Variants in GLRA2 observed in about 807,000 individuals in gnomAD.
The protein encoded by GLRA2 is glycine receptor alpha 2, also known as glycine receptor subunit alpha-2.
A neutral mutation model predicts 31.6 loss-of-function variants in GLRA2; 11 were observed. That is an observed-to-expected ratio of 0.35 (90% CI 0.22 to 0.58). The LOEUF is 0.58. Among genes scored for constraint, GLRA2 ranks in the 20% least tolerant of loss-of-function variants. The pLI is 0.84. For missense variants in GLRA2, 212 were observed against 351.8 expected (o/e 0.60, Z 3.18); for synonymous variants, 132 against 134.0 (o/e 0.99, Z 0.10).
At chrX:14,540,497 C>T (rs2089386650) in intron 2 of GLRA2, among the ~76,000 whole-genome samples, 1 of 110,529 alleles carries the variant, frequency 9.0e-6, no homozygotes, top group Admixed American at 9.6e-5. Context: ...CAAGGGAGCC[C>T]ATTGATACAA....
At chrX:14,655,572 C>G (rs780401581) in intron 7 of GLRA2, among the ~76,000 whole-genome samples, 2 of 111,687 alleles carry the variant, frequency 1.8e-5, no homozygotes, top group Non-Finnish European at 3.8e-5. Context: ...GCACAAACTC[C>G]CCATCTGACT....
the GLRA2 span, among the ~76,000 whole-genome samples, chrX:14,484,591 G>T: frequency 8.9e-6 from 1 of 111,953 alleles, no homozygotes; most frequent in Non-Finnish European, 1.9e-5. Context: ...AAAGTCTTTC[G>T]GTTAGACATT....
intron 6 of GLRA2, 57 bp from the exon 7 acceptor site, chrX:14,608,934 A>G: frequency 1.7e-6 from 1 of 581,851 alleles, no homozygotes; most frequent in Non-Finnish European, 2.9e-6. Flanking sequence ...ACGTGGGATA[A>G]TGGAATTGGA....
chrX:14,580,811 T>C (rs1161891016), intron 3 of GLRA2, among the ~76,000 whole-genome samples: 1 of 111,883 alleles, frequency 8.9e-6, no homozygotes, highest in African/African-American at 3.2e-5. Context: ...GATTTCTGAT[T>C]TGGAAAATAA....
chrX:14,574,642 T>C, intron 3 of GLRA2: 1 of 718,933 alleles, frequency 1.4e-6, no homozygotes, highest in South Asian at 2.4e-5. Flanking sequence ...TTGTGAGACA[T>C]TTACTGAGTG....
chrX:14,709,698 T>A (rs188181881), intron 8 of GLRA2, among the ~76,000 whole-genome samples: 2 of 111,972 alleles, frequency 1.8e-5, no homozygotes, highest in Admixed American at 1.9e-4. Flanking sequence ...GCATAGACTG[T>A]GTTTCTGGTT....
At chrX:14,516,081 A>G in the GLRA2 span, among the ~76,000 whole-genome samples, 9 of 111,881 alleles carry the variant, frequency 8.0e-5, no homozygotes, top group Admixed American at 7.6e-4. Flanking sequence ...AGTTCCATTT[A>G]GAGTCAAGTT....
chrX:14,512,380 T>C, the GLRA2 span, among the ~76,000 whole-genome samples: 1 of 111,428 alleles, frequency 9.0e-6, no homozygotes, highest in Non-Finnish European at 1.9e-5. Context: ...ATGCCCACTT[T>C]CACCACTTCT....
the GLRA2 span, among the ~76,000 whole-genome samples, chrX:14,513,319 A>G: frequency 8.9e-6 from 1 of 111,766 alleles, no homozygotes; most frequent in African/African-American, 3.3e-5. Context: ...AAAACTCTAG[A>G]AGATAACATC....
At chrX:14,539,926 G>A (rs2089378733) in intron 2 of GLRA2, among the ~76,000 whole-genome samples, 2 of 111,570 alleles carry the variant, frequency 1.8e-5, no homozygotes, top group South Asian at 3.7e-4. Context: ...TGGCAAGGGA[G>A]CATAAATGTA....
chrX:14,719,709 A>G (rs189066447), intron 8 of GLRA2, among the ~76,000 whole-genome samples: 42 of 112,179 alleles, frequency 3.7e-4, no homozygotes, highest in African/African-American at 1.1e-3. Flanking sequence ...CTATATCCAA[A>G]GGAAAGGAAA....
chrX:14,568,245 A>G (rs1484079802), intron 2 of GLRA2, among the ~76,000 whole-genome samples: 2 of 112,458 alleles, frequency 1.8e-5, no homozygotes, highest in Admixed American at 1.9e-4. Flanking sequence ...AAACCACATT[A>G]TCAAAACAGT....
At chrX:14,589,388 G>A (rs755052316) in intron 4 of GLRA2, among the ~76,000 whole-genome samples, 5 of 108,142 alleles carry the variant, frequency 4.6e-5, no homozygotes, top group Admixed American at 1.0e-4. Flanking sequence ...GGCAGGGCGC[G>A]GTGGCTCATG....
chrX:14,507,220 C>T, the GLRA2 span, among the ~76,000 whole-genome samples: 2 of 111,803 alleles, frequency 1.8e-5, no homozygotes, highest in Non-Finnish European at 3.8e-5. Context: ...ACTATCCAAC[C>T]TTGCTGCTCC....
At position 14,624,995 on chromosome X, in the gene GLRA2, G is replaced by C. The variant is rs774050961; in HGVS notation, c.930+15790G>C. 3.6e-5 allele frequency among the ~76,000 whole-genome samples: 4 copies of C among 111,515 alleles called. No individual in the cohort carries two copies. In the East Asian group the frequency reaches 1.1e-3, roughly 32 times the overall value. ...GTTGTATGGGAGTCTAAGTCTCTTTGTAGGTCTCTAAAGACTTGCTTTATG... is the reference window on the plus strand; with the variant it reads ...GTTGTATGGGAGTCTAAGTCTCTTTCTAGGTCTCTAAAGACTTGCTTTATG... On this transcript the variant is annotated intron_variant, in intron 7 of 8. Transcript: ENST00000218075.
In GLRA2 at chrX:14,614,830, G is replaced by C. The variant is rs2090437826; in HGVS notation, c.930+5625G>C. ...GATACCAGTCTCTTTTCTTACAGGGGTGGGTATAAACCACCTTCTATCCAT... is the reference window on the plus strand; with the variant it reads ...GATACCAGTCTCTTTTCTTACAGGGCTGGGTATAAACCACCTTCTATCCAT... On this transcript the variant is annotated intron_variant, in intron 7 of 8. Transcript: ENST00000218075. 3.6e-5 allele frequency among the ~76,000 whole-genome samples: 4 copies of C among 111,966 alleles called. No homozygotes were observed. The Admixed American group carries it at 3.8e-4, about 11-fold the overall frequency.
chrX:14,688,060 G>A (rs985123009), intron 7 of GLRA2, among the ~76,000 whole-genome samples: 2 of 112,155 alleles, frequency 1.8e-5, no homozygotes, highest in Admixed American at 9.3e-5. Flanking sequence ...GTTTGCTGGA[G>A]GTCCACTCCA....
intron 2 of GLRA2, among the ~76,000 whole-genome samples, chrX:14,561,722 C>T (rs993800100): frequency 2.7e-5 from 3 of 112,108 alleles, no homozygotes; most frequent in Non-Finnish European, 3.8e-5. Flanking sequence ...TAGTCTTAAA[C>T]TTATAGATAA....
At chrX:14,729,023 C>A (rs1323540327) in intron 8 of GLRA2, among the ~76,000 whole-genome samples, 2 of 112,376 alleles carry the variant, frequency 1.8e-5, no homozygotes. Context: ...TTTAAGTACA[C>A]AAGGTACAAA....
Sources: allele counts gnomAD v4.1 joint callset (sites outside exome capture counted in the v4.1 genomes callset), GRCh38; gene constraint gnomAD v4.1.1; transcripts MANE v1.5; gene names NCBI Gene and HGNC (gene_info 2026-07-23, HGNC 2026-07-21).